The following ERC2 variants were observed in gnomAD, a reference collection of about 807,000 sequenced individuals.
ERC2 encodes the protein ERC protein 2.
A neutral mutation model predicts 114.8 loss-of-function variants in ERC2; 42 were observed. That is an observed-to-expected ratio of 0.37 (90% CI 0.29 to 0.47). ERC2 has a LOEUF of 0.47. Ranked by LOEUF, ERC2 falls within the 20% of genes least tolerant of loss-of-function variation. The pLI is 0.99. For missense variants in ERC2, 939 were observed against 1,150.7 expected (o/e 0.82, Z 2.66); for synonymous variants, 454 against 425.5 (o/e 1.07, Z -0.82).
intron 14 of ERC2, among the ~76,000 whole-genome samples, chr3:55,739,151 G>A (rs2148934391): frequency 6.6e-6 from 1 of 152,218 alleles, no homozygotes; most frequent in Non-Finnish European, 1.5e-5. Context: ...TCTTTATCCA[G>A]TCTATCATTG....
intron 1 of ERC2, among the ~76,000 whole-genome samples, chr3:56,457,507 T>C (rs1373296886): frequency 6.6e-6 from 1 of 152,160 alleles, no homozygotes; most frequent in Non-Finnish European, 1.5e-5. Context: ...TAGGTAATTA[T>C]TGCCATGACG....
chr3:56,288,683 C>T (rs2054883002), intron 3 of ERC2, among the ~76,000 whole-genome samples: 1 of 152,200 alleles, frequency 6.6e-6, no homozygotes, highest in Non-Finnish European at 1.5e-5. Flanking sequence ...TTTGGATGCA[C>T]TGTCAGATTA....
intron 3 of ERC2, among the ~76,000 whole-genome samples, chr3:56,224,331 GCA>G (rs971288088): frequency 1.1e-4 from 16 of 152,112 alleles, no homozygotes; most frequent in African/African-American, 3.6e-4. Flanking sequence ...ATTATTCAGG[GCA>G]CACACAAAAA....
At chr3:55,909,676 A>T (rs1283197925) in intron 13 of ERC2, among the ~76,000 whole-genome samples, 1 of 152,236 alleles carries the variant, frequency 6.6e-6, no homozygotes, top group Non-Finnish European at 1.5e-5. Context: ...AGCATCCCGG[A>T]GGCAGCCACC....
Position 55,821,398 on chromosome 3 carries a change from G to A in ERC2, c.2564+66991C>T, listed in dbSNP as rs1029250892. 2.0e-5 allele frequency among the ~76,000 whole-genome samples: 3 copies of A among 152,168 alleles called. 1 individual carries two copies. The highest frequency in any genetic ancestry group is 2.0e-4 in the Admixed American group (3 of 15,272). On this transcript the variant is annotated intron_variant, in intron 14 of 17. Transcript: ENST00000288221. ...CGTGGAAATGAGCTTGATGAGAATC[G>A]CTAGATGTGAAGGGGCTGAGTGCTA... is the stretch of plus-strand genomic sequence containing the variant.
intron 15 of ERC2, among the ~76,000 whole-genome samples, chr3:55,723,963 G>C (rs1219899151): frequency 3.3e-5 from 5 of 152,080 alleles, no homozygotes; most frequent in Non-Finnish European, 5.9e-5. Flanking sequence ...CAGGCTGAAA[G>C]GACTTTTAAT....
intron 17 of ERC2, among the ~76,000 whole-genome samples, chr3:55,599,221 C>T (rs946864100): frequency 6.6e-6 from 1 of 152,198 alleles, no homozygotes; most frequent in Admixed American, 6.5e-5. Context: ...TGCCTGCTTA[C>T]AGCCACATCT....
At chr3:56,004,113 T>C (rs1043430857) in intron 10 of ERC2, among the ~76,000 whole-genome samples, 1 of 152,028 alleles carries the variant, frequency 6.6e-6, no homozygotes, top group Non-Finnish European at 1.5e-5. Context: ...AGGTATAATA[T>C]TAATTGAAAA....
Position 55,510,769 on chromosome 3 carries a change from A to C in ERC2, c.*547T>G, listed in dbSNP as rs2052018592. 6.6e-6 allele frequency: 1 copy of C among 152,254 alleles called. No individual in the cohort carries two copies. The highest frequency in any genetic ancestry group is 6.5e-5 in the Admixed American group (1 of 15,268). The allele number at this position is 152,254 out of a possible 1,614,324, so 9.4% of individuals were successfully genotyped here. A position where few individuals can be genotyped will look rare whatever the true frequency, so the allele number is the denominator to read the frequency against. On this transcript the variant is annotated 3_prime_UTR_variant, in exon 18 of 18. Coordinates refer to ENST00000288221, the MANE Select transcript of ERC2 (RefSeq NM_015576.3). Reference sequence around the variant, plus strand: ...AACACTCCATGCATCATGGTATACAAACACTGCCAACACCACTCACTCACA... The same window carrying C: ...AACACTCCATGCATCATGGTATACACACACTGCCAACACCACTCACTCACA...
chr3:56,028,491 T>C (rs1222211223), intron 7 of ERC2, among the ~76,000 whole-genome samples: 1 of 152,170 alleles, frequency 6.6e-6, no homozygotes, highest in East Asian at 1.9e-4. Flanking sequence ...TAACATTTTA[T>C]AAGTTTCAGC....
chr3:56,062,670 C>T (rs1278126911), intron 7 of ERC2, among the ~76,000 whole-genome samples: 1 of 152,142 alleles, frequency 6.6e-6, no homozygotes, highest in Non-Finnish European at 1.5e-5. Context: ...CCCAAACACA[C>T]ATATGCATGC....
rs185370643 is a variant in ERC2 at position 55,593,140 on chromosome 3, C to T, written c.*40-81864G>A. ...GGGACTACACGCTAGGCCCTTGACTCCTGATCCAGCGCTGCTTTCATCCAA... is the reference window on the plus strand; with the variant it reads ...GGGACTACACGCTAGGCCCTTGACTTCTGATCCAGCGCTGCTTTCATCCAA... On this transcript the variant is annotated intron_variant, in intron 17 of 17. Coordinates refer to ENST00000288221, the MANE Select transcript of ERC2 (RefSeq NM_015576.3). Among the ~76,000 whole-genome samples the T allele has an allele frequency of 2.2e-3, 337 of 152,312 alleles. 1 individual carries two copies. Among genetic ancestry groups the T allele is most frequent in the African/African-American group, 7.8e-3 (325 of 41,556 alleles).
At chr3:56,202,902 T>G (rs1025706597) in intron 3 of ERC2, among the ~76,000 whole-genome samples, 1 of 152,188 alleles carries the variant, frequency 6.6e-6, no homozygotes, top group African/African-American at 2.4e-5. Flanking sequence ...AAAAGGCAGG[T>G]AACTGTGAGG....
chr3:56,422,595 T>A (rs776612959), intron 2 of ERC2, among the ~76,000 whole-genome samples: 3 of 152,232 alleles, frequency 2.0e-5, no homozygotes, highest in Non-Finnish European at 2.9e-5. Context: ...TTTGACAGCA[T>A]GCTGAAGATG....
intron 14 of ERC2, among the ~76,000 whole-genome samples, chr3:55,877,919 A>G (rs1490615469): frequency 6.6e-6 from 1 of 152,072 alleles, no homozygotes; most frequent in Non-Finnish European, 1.5e-5. Context: ...CCCCTACAGT[A>G]TTAGATCAGG....
chr3:55,567,654 A>G (rs1160046940), intron 17 of ERC2, among the ~76,000 whole-genome samples: 10 of 151,722 alleles, frequency 6.6e-5, no homozygotes, highest in Admixed American at 6.6e-4. Context: ...GAGGAGGGAG[A>G]GGTGAGGATG....
intron 8 of ERC2, among the ~76,000 whole-genome samples, chr3:56,018,012 G>C (rs903496696): frequency 6.6e-6 from 1 of 152,126 alleles, no homozygotes; most frequent in African/African-American, 2.4e-5. Flanking sequence ...ATTAAAAACA[G>C]ATAAATGAAC....
chr3:55,954,479 G>A (rs1293157152), intron 12 of ERC2, among the ~76,000 whole-genome samples: 1 of 152,220 alleles, frequency 6.6e-6, no homozygotes, highest in Non-Finnish European at 1.5e-5. Context: ...GTGAGAACGT[G>A]TCAGACTCTG....
rs376350900 is a variant in ERC2, at chr3:55,516,166, G to A, written c.*40-4890C>T. Among the ~76,000 whole-genome samples, 216 of 152,090 alleles carry A rather than the reference G, an allele frequency of 1.4e-3. 1 individual carries two copies. The highest frequency in any genetic ancestry group is 5.3e-3 in the Admixed American group (81 of 15,268). ...TTGGAGGAGAAGAGCTGCTCCTTCTGGGGGCAGCGGGCATCCTGCAGAACA... is the reference window on the plus strand; with the variant it reads ...TTGGAGGAGAAGAGCTGCTCCTTCTAGGGGCAGCGGGCATCCTGCAGAACA... On this transcript the variant is annotated intron_variant, in intron 17 of 17. Transcript: ENST00000288221.
Sources: gnomAD v4.1 joint callset for allele counts (sites outside exome capture counted in the v4.1 genomes callset) on GRCh38, gnomAD v4.1.1 for gene constraint, MANE v1.5 for transcripts, NCBI Gene and HGNC (gene_info 2026-07-23, HGNC 2026-07-21) for gene names.